PCDHGA8: variants seen among roughly 807,000 people sequenced by gnomAD.
The protein encoded by PCDHGA8 is protocadherin gamma-A8.
Under a neutral mutation model 59.2 loss-of-function variants are expected in PCDHGA8, and 45 were observed. The observed-to-expected ratio is 0.76, with a 90% CI of 0.60 to 0.98. The LOEUF (loss-of-function observed/expected upper bound fraction) is 0.98. PCDHGA8 is among the 50% of genes least tolerant of loss of function. The pLI is 0.00. For synonymous variants in PCDHGA8, 531 were observed against 519.0 expected, an observed-to-expected ratio of 1.02 and a Z score of -0.32; for missense variants, 1,257 against 1,196.2, an observed-to-expected ratio of 1.05 and a Z score of -0.75.
At chr5:141,473,039 A>G (rs1593411714) in intron 1 of PCDHGA8, among the ~76,000 whole-genome samples, 1 of 152,016 alleles carries the variant, frequency 6.6e-6, no homozygotes, top group East Asian at 1.9e-4. Context: ...GGAAGGAAAG[A>G]AAGAAAGAAG....
rs1561863583 is a variant in PCDHGA8, at chr5:141,432,685, C to A, written c.2424+37448C>A. Reference sequence around the variant, plus strand: ...ACAGAGACGCGCTCAAGCAGAGCCTCGTAGTGGCCGTCCAGGACCACGGCC... The same window carrying A: ...ACAGAGACGCGCTCAAGCAGAGCCTAGTAGTGGCCGTCCAGGACCACGGCC... On this transcript the variant is annotated intron_variant, in intron 1 of 3. Transcript: ENST00000398604. The surrounding 1 kb of genome is among the most constrained non-coding windows in gnomAD (Gnocchi z 6.0). 3.7e-6 allele frequency: 6 copies of A among 1,613,932 alleles called. No individual in the cohort carries two copies. Among genetic ancestry groups the A allele is most frequent in the Non-Finnish European group, 5.1e-6 (6 of 1,179,966 alleles).
At chr5:141,509,071 G>T (rs1209992467) in intron 3 of PCDHGA8, among the ~76,000 whole-genome samples, 1 of 152,176 alleles carries the variant, frequency 6.6e-6, no homozygotes, top group Admixed American at 6.5e-5. Flanking sequence ...CAGCTCCGGG[G>T]ATTTGCGACA....
At chr5:141,425,957 C>A (rs1317696447) in intron 1 of PCDHGA8, among the ~76,000 whole-genome samples, 1 of 152,140 alleles carries the variant, frequency 6.6e-6, no homozygotes, top group Non-Finnish European at 1.5e-5. Context: ...TACATTAGTC[C>A]AACACATCAG....
rs952463522 is a variant in PCDHGA8 at position 141,392,765 on chromosome 5, C to T, written c.-49C>T. On this transcript the variant is annotated 5_prime_UTR_variant, in exon 1 of 4. Transcript: ENST00000398604. Reference sequence around the variant, plus strand: ...GCTGCGGCAAGAAACTAAATAAGACCCATTTATGCACAGTGAAGATTCTGA... The same window carrying T: ...GCTGCGGCAAGAAACTAAATAAGACTCATTTATGCACAGTGAAGATTCTGA... The T allele has an allele frequency of 2.7e-6, 4 of 1,482,974 alleles. No individual in the cohort carries two copies. The highest frequency in any genetic ancestry group is 5.1e-5 in the Admixed American group (2 of 39,092). The allele number at this position is 1,482,974 out of a possible 1,614,324, so 91.9% of individuals were successfully genotyped here.
chr5:141,495,205 C>T (rs977479495), intron 2 of PCDHGA8, among the ~76,000 whole-genome samples: 1 of 152,212 alleles, frequency 6.6e-6, no homozygotes, highest in African/African-American at 2.4e-5. Flanking sequence ...TACTGCCTAA[C>T]CCCCTCCCCT....
intron 1 of PCDHGA8, chr5:141,421,455 C>G (rs762490406): frequency 6.2e-6 from 10 of 1,614,108 alleles, no homozygotes; most frequent in South Asian, 1.1e-5. Flanking sequence ...CACAGCTTTT[C>G]GCTGTGAATC....
At chr5:141,430,907 A>G (rs776543955) in intron 1 of PCDHGA8, 1 of 1,606,916 alleles carries the variant, frequency 6.2e-7, no homozygotes, top group Non-Finnish European at 8.5e-7. Flanking sequence ...CGACATCTCC[A>G]GGGACCTGGG....
At chr5:141,506,119 G>T (rs1171566108) in intron 3 of PCDHGA8, among the ~76,000 whole-genome samples, 1 of 152,106 alleles carries the variant, frequency 6.6e-6, no homozygotes, top group African/African-American at 2.4e-5. Context: ...AGTCACTAGG[G>T]CCCAGAGCAG....
chr5:141,430,889 A>G, intron 1 of PCDHGA8: 1 of 1,605,270 alleles, frequency 6.2e-7, no homozygotes, highest in African/African-American at 1.3e-5. Flanking sequence ...GAAAGGCTCT[A>G]GGGTGGGCGA....
intron 2 of PCDHGA8, among the ~76,000 whole-genome samples, chr5:141,497,541 T>A (rs1157403777): frequency 1.1e-5 from 1 of 89,566 alleles, no homozygotes; most frequent in Admixed American, 1.2e-4. Context: ...GCAACAAACC[T>A]TTTTTTTTTT....
At chr5:141,429,814 T>C (rs554065871) in intron 1 of PCDHGA8, among the ~76,000 whole-genome samples, 3 of 152,322 alleles carry the variant, frequency 2.0e-5, no homozygotes, top group African/African-American at 7.2e-5. Flanking sequence ...TAATTACAAT[T>C]AGGTCAGTTA....
chr5:141,466,148 G>A (rs1201643685), intron 1 of PCDHGA8, among the ~76,000 whole-genome samples: 1 of 151,814 alleles, frequency 6.6e-6, no homozygotes, highest in Non-Finnish European at 1.5e-5. Flanking sequence ...GAAAACTCTG[G>A]TCTTAAACTG....
intron 1 of PCDHGA8, chr5:141,415,929 T>C: frequency 1.6e-6 from 1 of 629,678 alleles, no homozygotes; most frequent in African/African-American, 1.9e-5. Context: ...TGTCAATTTA[T>C]ATTTCCTCCT....
chr5:141,444,013 C>T (rs1226458485), intron 1 of PCDHGA8, among the ~76,000 whole-genome samples: 2 of 152,060 alleles, frequency 1.3e-5, no homozygotes, highest in Admixed American at 6.6e-5. Flanking sequence ...TGGGTATTGG[C>T]TTCTAAAAGG....
At position 141,432,143 on chromosome 5, in the gene PCDHGA8, C is replaced by A; in HGVS notation, c.2424+36906C>A. The A allele has an allele frequency of 6.2e-7, 1 of 1,614,084 alleles. No homozygotes were observed. Among genetic ancestry groups the A allele is most frequent in the South Asian group, 1.1e-5 (1 of 91,068 alleles). On this transcript the variant is annotated intron_variant, in intron 1 of 3. Transcript: ENST00000398604. The surrounding 1 kb of genome is among the most constrained non-coding windows in gnomAD (Gnocchi z 6.0). ...TCAGGCCTCCTATTCCGCTTATATC[C>A]CAGAGAACAATCCCAGAGGAGTTTC... is the stretch of plus-strand genomic sequence containing the variant.
intron 1 of PCDHGA8, among the ~76,000 whole-genome samples, chr5:141,444,472 C>T (rs559334960): frequency 2.1e-4 from 32 of 151,968 alleles, no homozygotes; most frequent in Admixed American, 1.5e-3. Flanking sequence ...CGCCCGGTCG[C>T]GTACTGGATT....
chr5:141,477,431 G>T lies in PCDHGA8; in HGVS notation c.2425-17376G>T. 3 of 1,614,080 alleles carry T rather than the reference G, an allele frequency of 1.9e-6. No homozygotes were observed. The highest frequency in any genetic ancestry group is 2.5e-6 in the Non-Finnish European group (3 of 1,180,012). On this transcript the variant is annotated intron_variant, in intron 1 of 3. Transcript: ENST00000398604. This position sits in a 1 kb window ranked among gnomAD's most constrained non-coding sequence, Gnocchi z 4.9. ...AGACGCCGGAACCCCTTCCCTCTCA[G>T]CCCTTACAATAGTGCGTGTTCAAGT...
chr5:141,398,964 T>C lies in PCDHGA8; in HGVS notation c.2424+3727T>C, dbSNP rs768223911. 1.5e-5 allele frequency: 25 copies of C among 1,613,826 alleles called. No homozygotes were observed. In the South Asian group the frequency reaches 2.4e-4, roughly 16 times the overall value. On this transcript the variant is annotated intron_variant, in intron 1 of 3. Coordinates refer to ENST00000398604, the MANE Select transcript of PCDHGA8 (RefSeq NM_032088.2). ...AGGGCATCAACTCAGAAATTACTTA[T>C]TCCTTCTACAGAACCGGGCAAATCT...
chr5:141,403,299 T>A (rs1247528606), intron 1 of PCDHGA8: 1 of 1,613,896 alleles, frequency 6.2e-7, no homozygotes, highest in Admixed American at 1.7e-5. Flanking sequence ...AGAGTGAAAC[T>A]GTACGGAATA....
Sources: gnomAD v4.1 joint callset for allele counts (sites outside exome capture counted in the v4.1 genomes callset) on GRCh38, gnomAD v4.1.1 for gene constraint, Gnocchi (gnomAD v3.1) non-coding constraint, MANE v1.5 for transcripts, NCBI Gene and HGNC (gene_info 2026-07-23, HGNC 2026-07-21) for gene names.